The following SLC35F3 variants were observed in gnomAD, a reference collection of about 807,000 sequenced individuals.
SLC35F3 encodes putative thiamine transporter SLC35F3.
Under a neutral mutation model 49.9 loss-of-function variants are expected in SLC35F3, and 25 were observed. The observed-to-expected ratio is 0.50, with a 90% confidence interval of 0.37 to 0.70. The LOEUF (loss-of-function observed/expected upper bound fraction) is 0.70. SLC35F3 is among the 30% of genes least tolerant of loss of function. The pLI, the probability that SLC35F3 is intolerant of heterozygous loss-of-function variation, is 0.00. For synonymous variants in SLC35F3, 275 were observed against 265.4 expected, an observed-to-expected ratio of 1.04 and a Z score of -0.35; for missense variants, 525 against 639.8, an observed-to-expected ratio of 0.82 and a Z score of 1.94.
chr1:233,934,797 C>G (rs1662298009), intron 2 of SLC35F3, among the ~76,000 whole-genome samples: 1 of 75,820 alleles, frequency 1.3e-5, no homozygotes, highest in African/African-American at 3.6e-5. Flanking sequence ...AGGTAGCTCC[C>G]TATGCAGATA....
chr1:234,051,382 T>C (rs936353130), intron 2 of SLC35F3, among the ~76,000 whole-genome samples: 1 of 152,228 alleles, frequency 6.6e-6, no homozygotes, highest in African/African-American at 2.4e-5. Flanking sequence ...TTCCTAGGTA[T>C]TTTATTCTCT....
chr1:233,993,190 C>T (rs1663393516), intron 2 of SLC35F3, among the ~76,000 whole-genome samples: 1 of 152,132 alleles, frequency 6.6e-6, no homozygotes, highest in African/African-American at 2.4e-5. Flanking sequence ...TGGTCTCGAA[C>T]TCCTGACCTC....
intron 3 of SLC35F3, among the ~76,000 whole-genome samples, chr1:234,247,651 G>A (rs1246389326): frequency 6.6e-6 from 1 of 152,094 alleles, no homozygotes; most frequent in Non-Finnish European, 1.5e-5. Context: ...TGTTTGGGGG[G>A]CTGGTTGGCT....
intron 2 of SLC35F3, among the ~76,000 whole-genome samples, chr1:233,929,586 T>C (rs1662210644): frequency 6.6e-6 from 1 of 152,206 alleles, no homozygotes; most frequent in Non-Finnish European, 1.5e-5. Flanking sequence ...ATTGACTAAA[T>C]CTCTTTGGAT....
intron 2 of SLC35F3, among the ~76,000 whole-genome samples, chr1:234,129,756 A>G (rs1665704785): frequency 6.6e-6 from 1 of 152,216 alleles, no homozygotes; most frequent in South Asian, 2.1e-4. Flanking sequence ...ATTCATAAAA[A>G]CATCCACACC....
chr1:234,078,780 A>G lies in SLC35F3; in HGVS notation c.284-152637A>G, dbSNP rs141503168. ...CAATCAGATCTGGAACTTAAAAATT[A>G]TCCAGTTCAATATCTTACTTTATAC... On this transcript the variant is annotated intron_variant, in intron 2 of 7. Coordinates refer to ENST00000366618, the MANE Select transcript of SLC35F3 (RefSeq NM_173508.4). 2.2e-3 allele frequency among the ~76,000 whole-genome samples: 333 copies of G among 152,344 alleles called. 2 individuals are homozygous for G. The highest frequency in any genetic ancestry group is 3.8e-3 in the Non-Finnish European group (259 of 68,036).
chr1:234,161,220 T>C (rs1243695733), intron 2 of SLC35F3, among the ~76,000 whole-genome samples: 1 of 152,236 alleles, frequency 6.6e-6, no homozygotes, highest in African/African-American at 2.4e-5. Context: ...GTCTCACTTA[T>C]CTCACAATGG....
intron 3 of SLC35F3, among the ~76,000 whole-genome samples, chr1:234,246,594 C>A (rs1207517200): frequency 6.6e-6 from 1 of 152,132 alleles, no homozygotes; most frequent in Non-Finnish European, 1.5e-5. Context: ...TGATGTTTTC[C>A]CCTTCTGAAT....
chr1:234,178,690 A>T (rs1666513371), intron 2 of SLC35F3, among the ~76,000 whole-genome samples: 1 of 144,346 alleles, frequency 6.9e-6, no homozygotes, highest in African/African-American at 2.6e-5. Flanking sequence ...CATTCTGTGG[A>T]TGTACATCAT....
intron 2 of SLC35F3, among the ~76,000 whole-genome samples, chr1:234,092,407 C>A (rs1016634709): frequency 2.6e-5 from 4 of 152,164 alleles, no homozygotes; most frequent in African/African-American, 9.7e-5. Flanking sequence ...CTCTCCCACC[C>A]CCTCCTACAC....
chr1:234,036,830 G>C (rs1483214996), intron 2 of SLC35F3, among the ~76,000 whole-genome samples: 1 of 152,196 alleles, frequency 6.6e-6, no homozygotes. Flanking sequence ...GGGTTTTGTA[G>C]TATAATTAGT....
At chr1:234,058,218 T>C (rs1282496844) in intron 2 of SLC35F3, among the ~76,000 whole-genome samples, 2 of 152,012 alleles carry the variant, frequency 1.3e-5, no homozygotes, top group African/African-American at 4.8e-5. Context: ...TTTTGCTTTA[T>C]ATTTCATTCA....
At chr1:234,286,267 T>G (rs1668417806) in intron 3 of SLC35F3, among the ~76,000 whole-genome samples, 1 of 151,896 alleles carries the variant, frequency 6.6e-6, no homozygotes, top group African/African-American at 2.4e-5. Flanking sequence ...TCTAAATCCA[T>G]GCACAAGACA....
At chr1:234,158,926 C>T (rs1351808973) in intron 2 of SLC35F3, among the ~76,000 whole-genome samples, 1 of 152,086 alleles carries the variant, frequency 6.6e-6, no homozygotes, top group African/African-American at 2.4e-5. Context: ...GGAGATTTTT[C>T]CCCATAGTAG....
chr1:234,303,320 T>A (rs1668722154), intron 3 of SLC35F3, among the ~76,000 whole-genome samples: 1 of 152,210 alleles, frequency 6.6e-6, no homozygotes, highest in African/African-American at 2.4e-5. Context: ...CAAAAGCCTA[T>A]CACTATTTTC....
chr1:234,236,953 A>ATATATT (rs1667483795), intron 3 of SLC35F3, among the ~76,000 whole-genome samples: 1 of 122,892 alleles, frequency 8.1e-6, no homozygotes, highest in Non-Finnish European at 1.7e-5. Flanking sequence ...ATATATATAT[A>ATATATT]TATATATATA....
chr1:234,292,264 T>G (rs1252682221), intron 3 of SLC35F3, among the ~76,000 whole-genome samples: 1 of 152,228 alleles, frequency 6.6e-6, no homozygotes, highest in Non-Finnish European at 1.5e-5. Flanking sequence ...GGAGGCCATC[T>G]GGCCTCTCAG....
At chr1:233,905,279 C>T in intron 1 of SLC35F3, 149 bp downstream of exon 1, 2 of 914,154 alleles carry the variant, frequency 2.2e-6, no homozygotes, top group Admixed American at 4.3e-5. Flanking sequence ...TTCAGTCATT[C>T]TTTCCCTCGC....
chr1:234,052,739 A>G (rs545348975), intron 2 of SLC35F3, among the ~76,000 whole-genome samples: 6 of 152,144 alleles, frequency 3.9e-5, no homozygotes, highest in South Asian at 4.2e-4. Context: ...TAAGGTGTCA[A>G]TTTTAGATCT....
Sources: gnomAD v4.1 joint callset for allele counts (sites outside exome capture counted in the v4.1 genomes callset) on GRCh38, gnomAD v4.1.1 for gene constraint, MANE v1.5 for transcripts, NCBI Gene and HGNC (gene_info 2026-07-23, HGNC 2026-07-21) for gene names.